Variants in TMEM108 observed in about 807,000 individuals in gnomAD.
TMEM108 encodes the protein cancer/testis antigen 124.
A neutral mutation model predicts 35.1 loss-of-function variants in TMEM108; 12 were observed. The observed-to-expected ratio is 0.34, with a 90% CI of 0.22 to 0.55. The LOEUF (loss-of-function observed/expected upper bound fraction) is 0.55. Ranked by LOEUF, TMEM108 falls within the 20% of genes least tolerant of loss-of-function variation. The pLI, the probability that TMEM108 is intolerant of heterozygous loss-of-function variation, is 0.89. For missense variants in TMEM108, 680 were observed against 753.3 expected, an observed-to-expected ratio of 0.90 and a Z score of 1.14; for synonymous variants, 287 against 308.6, an observed-to-expected ratio of 0.93 and a Z score of 0.73.
chr3:133,180,701 T>A (rs951822983), intron 2 of TMEM108, among the ~76,000 whole-genome samples: 3 of 152,164 alleles, frequency 2.0e-5, no homozygotes, highest in Admixed American at 1.3e-4. Context: ...GCTTTGTAAT[T>A]TAAGTTTTAA....
intron 3 of TMEM108, among the ~76,000 whole-genome samples, chr3:133,291,666 TTTA>T (rs111792839): frequency 2.0e-5 from 3 of 152,040 alleles, no homozygotes; most frequent in East Asian, 1.9e-4. Context: ...AGGTGGAATT[TTTA>T]TTATTATTAT....
At chr3:133,374,170 C>A (rs917398861) in intron 3 of TMEM108, among the ~76,000 whole-genome samples, 12 of 152,026 alleles carry the variant, frequency 7.9e-5, no homozygotes, top group African/African-American at 2.7e-4. Flanking sequence ...TCATTGTATT[C>A]ATCAAGGCAG....
At chr3:133,173,479 G>GT (rs1945161002) in intron 2 of TMEM108, among the ~76,000 whole-genome samples, 1 of 152,132 alleles carries the variant, frequency 6.6e-6, no homozygotes, top group Non-Finnish European at 1.5e-5. Flanking sequence ...TAGCTGTTAA[G>GT]TTTTTTTGAC....
At chr3:133,203,727 C>G in intron 2 of TMEM108, among the ~76,000 whole-genome samples, 1 of 151,988 alleles carries the variant, frequency 6.6e-6, no homozygotes, top group East Asian at 1.9e-4. Context: ...TCGCGTTGAC[C>G]TTCATCAGGG....
At chr3:133,116,108 T>C (rs1348818784) in intron 2 of TMEM108, among the ~76,000 whole-genome samples, 2 of 152,236 alleles carry the variant, frequency 1.3e-5, no homozygotes, top group African/African-American at 4.8e-5. Flanking sequence ...TGTAAATGGA[T>C]GGTCTGCCTC....
At chr3:133,200,341 G>A (rs1945644702) in intron 2 of TMEM108, among the ~76,000 whole-genome samples, 1 of 152,092 alleles carries the variant, frequency 6.6e-6, no homozygotes, top group Non-Finnish European at 1.5e-5. Flanking sequence ...GCGGAACATG[G>A]GATTGGAAAA....
chr3:133,326,546 G>A (rs183354543), intron 3 of TMEM108, among the ~76,000 whole-genome samples: 1 of 152,228 alleles, frequency 6.6e-6, no homozygotes, highest in East Asian at 1.9e-4. Context: ...TATAAACAAG[G>A]ATTCTTCCCG....
At chr3:133,370,450 T>C (rs1164089704) in intron 3 of TMEM108, among the ~76,000 whole-genome samples, 1 of 152,208 alleles carries the variant, frequency 6.6e-6, no homozygotes, top group Non-Finnish European at 1.5e-5. Flanking sequence ...CATGACATTA[T>C]CACTGTGGAT....
chr3:133,242,780 T>C (rs1946331724), intron 3 of TMEM108, among the ~76,000 whole-genome samples: 1 of 152,164 alleles, frequency 6.6e-6, no homozygotes, highest in Non-Finnish European at 1.5e-5. Flanking sequence ...GTAAGTGCTT[T>C]GAGAGAACAG....
At chr3:133,173,707 G>A (rs2107792923) in intron 2 of TMEM108, among the ~76,000 whole-genome samples, 1 of 152,318 alleles carries the variant, frequency 6.6e-6, no homozygotes, top group East Asian at 1.9e-4. Context: ...AAAATGGCCA[G>A]GGGGTGGAGC....
rs921860625 is a variant in TMEM108 at position 133,391,807 on chromosome 3, C to T, written c.1605+1473C>T. On this transcript the variant is annotated intron_variant, in intron 5 of 5. Transcript: ENST00000321871. ...CTTCCTCAGCGAGGCCTTCCTTAAC[C>T]TGCCAGGCTGGGTTCAGCTCTCCTG... Among the ~76,000 whole-genome samples the T allele has an allele frequency of 3.3e-5, 5 of 152,240 alleles. No individual in the cohort carries two copies. In the South Asian group the frequency reaches 6.2e-4, roughly 19 times the overall value.
intron 2 of TMEM108, among the ~76,000 whole-genome samples, chr3:133,209,584 T>C (rs1945806945): frequency 6.6e-6 from 1 of 152,110 alleles, no homozygotes; most frequent in African/African-American, 2.4e-5. Context: ...AAAATGGATC[T>C]CCTGGCTTAC....
intron 3 of TMEM108, among the ~76,000 whole-genome samples, chr3:133,367,970 T>C (rs1378216232): frequency 6.6e-6 from 1 of 152,204 alleles, no homozygotes. Flanking sequence ...GGCCAGGACA[T>C]TGTGTCTTTT....
intron 3 of TMEM108, among the ~76,000 whole-genome samples, chr3:133,277,179 G>A (rs1946850436): frequency 6.6e-6 from 1 of 152,052 alleles, no homozygotes; most frequent in Non-Finnish European, 1.5e-5. Flanking sequence ...GGTAAAATTT[G>A]AATATAGGTC....
chr3:133,177,622 C>G (rs1170005979), intron 2 of TMEM108, among the ~76,000 whole-genome samples: 1 of 152,226 alleles, frequency 6.6e-6, no homozygotes, highest in African/African-American at 2.4e-5. Context: ...AACAACGCTT[C>G]ATGCTAAAAA....
At chr3:133,166,737 C>T (rs1320222987) in intron 2 of TMEM108, among the ~76,000 whole-genome samples, 1 of 152,160 alleles carries the variant, frequency 6.6e-6, no homozygotes, top group African/African-American at 2.4e-5. Context: ...CTTATAAAGG[C>T]AGTACAGACC....
At chr3:133,240,394 A>G (rs909542295) in intron 3 of TMEM108, among the ~76,000 whole-genome samples, 36 of 152,228 alleles carry the variant, frequency 2.4e-4, no homozygotes, top group African/African-American at 8.4e-4. Context: ...TCTTCTGCAG[A>G]TAAAACAAAA....
chr3:133,338,073 A>G (rs993800158), intron 3 of TMEM108, among the ~76,000 whole-genome samples: 2 of 152,162 alleles, frequency 1.3e-5, no homozygotes, highest in Non-Finnish European at 2.9e-5. Context: ...AAATACCCTC[A>G]AATGGGCAAA....
chr3:133,377,779 G>A (rs1795105), intron 3 of TMEM108, among the ~76,000 whole-genome samples: 147,196 of 152,332 alleles, frequency 0.97, 71,297 homozygotes, highest in Non-Finnish European at 1. Context: ...ACAAGAGGTG[G>A]GAGGCCGGTG....
Sources: gnomAD v4.1 joint callset for allele counts (sites outside exome capture counted in the v4.1 genomes callset) on GRCh38, gnomAD v4.1.1 for gene constraint, MANE v1.5 for transcripts, NCBI Gene and HGNC (gene_info 2026-07-23, HGNC 2026-07-21) for gene names.